The following FRAS1 variants were observed in gnomAD, a reference collection of about 807,000 sequenced individuals.
FRAS1 encodes Fraser extracellular matrix complex subunit 1.
In FRAS1, 290 loss-of-function variants were observed where a neutral mutation model predicts 435.2. The ratio of observed to expected loss-of-function variants is 0.67; its 90% CI spans 0.61 to 0.73. The LOEUF is 0.73. Ranked by LOEUF, FRAS1 falls within the 30% of genes least tolerant of loss-of-function variation. FRAS1 has a pLI of 0.00. For missense variants in FRAS1, 4,860 were observed against 5,001.5 expected (o/e 0.97, Z 0.85); for synonymous variants, 1,800 against 1,851.0 (o/e 0.97, Z 0.71).
intron 2 of FRAS1, among the ~76,000 whole-genome samples, chr4:78,135,809 C>T (rs866423397): frequency 1.1e-4 from 16 of 152,088 alleles, no homozygotes; most frequent in African/African-American, 2.2e-4. Flanking sequence ...TGTGGAAGTC[C>T]GGACTGAGGG....
chr4:78,252,425 G>A lies in FRAS1; in HGVS notation c.343G>A (p.Val115Met), dbSNP rs1279733984. The change falls in exon 5 of 74, where the codon GTG (valine) becomes ATG (methionine). Residue 115 changes from valine to methionine, a missense_variant. Val to Met is a conservative substitution (Grantham distance 21). Transcript: ENST00000512123. ...AGAATGGGCCTCTTCTCCATGTAGT[G>A]TGTGCTCTTGCAATCATGGGGAAGT... ...GTEWASSPCS[V>M]CSCNHGEVRC... The A allele has an allele frequency of 1.9e-6, 3 of 1,613,084 alleles. No individual in the cohort carries two copies. Among genetic ancestry groups the A allele is most frequent in the Non-Finnish European group, 2.5e-6 (3 of 1,179,746 alleles).
chr4:78,137,459 G>A (rs1217029255), intron 2 of FRAS1, among the ~76,000 whole-genome samples: 3 of 152,152 alleles, frequency 2.0e-5, no homozygotes, highest in Non-Finnish European at 4.4e-5. Flanking sequence ...TTCTGTTGAA[G>A]ATTATAGATT....
At chr4:78,291,450 C>G (rs763021573) in intron 14 of FRAS1, among the ~76,000 whole-genome samples, 1 of 152,182 alleles carries the variant, frequency 6.6e-6, no homozygotes, top group Non-Finnish European at 1.5e-5. Context: ...TCACCCACTG[C>G]TTGCCTCCTG....
chr4:78,319,382 G>A (rs61739669), intron 18 of FRAS1: 6,124 of 458,402 alleles, frequency 0.013, 264 homozygotes, highest in African/African-American at 0.096. Context: ...ACTTCTGTCA[G>A]AATTTAGAAG....
At position 78,094,553 on chromosome 4, in the gene FRAS1, A is replaced by G. The variant is rs143687884; in HGVS notation, c.108+28537A>G. On this transcript the variant is annotated intron_variant, in intron 2 of 73. Coordinates refer to ENST00000512123, the MANE Select transcript of FRAS1 (RefSeq NM_025074.7). Reference sequence around the variant, plus strand: ...ATCTATAATAGAATCTTAATAATATAGAGTGTTCTAATATATACTATGTTG... The same window carrying G: ...ATCTATAATAGAATCTTAATAATATGGAGTGTTCTAATATATACTATGTTG... 9.9e-5 allele frequency among the ~76,000 whole-genome samples: 15 copies of G among 152,254 alleles called. No individual in the cohort carries two copies. In the East Asian group the frequency reaches 2.9e-3, roughly 29 times the overall value.
intron 4 of FRAS1, among the ~76,000 whole-genome samples, chr4:78,250,657 C>A (rs536431690): frequency 8.0e-4 from 122 of 152,210 alleles, no homozygotes; most frequent in Non-Finnish European, 1.4e-3. Context: ...AGGGGAAATA[C>A]CACAGATACT....
At chr4:78,301,280 G>A (rs1487276641) in intron 14 of FRAS1, among the ~76,000 whole-genome samples, 1 of 152,092 alleles carries the variant, frequency 6.6e-6, no homozygotes. Context: ...AGCATAGGTA[G>A]GGGTTAGCCA....
intron 23 of FRAS1, among the ~76,000 whole-genome samples, chr4:78,371,861 G>A (rs1171043529): frequency 6.6e-6 from 1 of 152,158 alleles, no homozygotes; most frequent in Admixed American, 6.5e-5. Context: ...AACAAGTACA[G>A]CAGCAACATG....
At chr4:78,422,064 G>T (rs534894990) in intron 34 of FRAS1, 64 bp downstream of exon 34, 1 of 1,515,682 alleles carries the variant, frequency 6.6e-7, no homozygotes, top group Non-Finnish European at 8.9e-7. Flanking sequence ...TGACAGGCTC[G>T]CCCTAACTCT....
chr4:78,129,717 T>A (rs1369044854), intron 2 of FRAS1, among the ~76,000 whole-genome samples: 1 of 152,026 alleles, frequency 6.6e-6, no homozygotes, highest in Non-Finnish European at 1.5e-5. Context: ...ACCAATATGA[T>A]CCTTCTAAAA....
chr4:78,450,075 G>A, intron 44 of FRAS1, 76 bp from the exon 45 acceptor site: 2 of 1,159,522 alleles, frequency 1.7e-6, no homozygotes, highest in Non-Finnish European at 2.5e-6. Context: ...TTAGCCTCCA[G>A]TCTCCTAAAA....
chr4:78,129,752 T>C (rs1435449399), intron 2 of FRAS1, among the ~76,000 whole-genome samples: 2 of 152,164 alleles, frequency 1.3e-5, no homozygotes, highest in Non-Finnish European at 2.9e-5. Context: ...TTCTCCTGCC[T>C]AAAACTCTCA....
At chr4:78,490,881 A>T in intron 59 of FRAS1, among the ~76,000 whole-genome samples, 1 of 151,954 alleles carries the variant, frequency 6.6e-6, no homozygotes, top group African/African-American at 2.4e-5. Flanking sequence ...TTTTTTTTTT[A>T]AAGATTAACC....
rs560026397 is a variant in FRAS1, at chr4:78,541,498, C to T, written c.*374C>T. Reference sequence around the variant, plus strand: ...AGATCTCAGAGAGAAGAAGTAGGTACGGGCCTTTGGTTCCCTCCCCCAGCC... The same window carrying T: ...AGATCTCAGAGAGAAGAAGTAGGTATGGGCCTTTGGTTCCCTCCCCCAGCC... On this transcript the variant is annotated 3_prime_UTR_variant, in exon 74 of 74. Transcript: ENST00000512123. 4.4e-4 allele frequency: 70 copies of T among 160,842 alleles called. No homozygotes were observed. Among genetic ancestry groups the T allele is most frequent in the African/African-American group, 1.2e-3 (51 of 41,948 alleles). 10.0% of individuals were successfully genotyped at this position (160,842 alleles called of 1,614,324 possible).
intron 14 of FRAS1, among the ~76,000 whole-genome samples, chr4:78,300,284 A>C (rs73827962): frequency 0.014 from 2,065 of 152,294 alleles, 52 homozygotes; most frequent in African/African-American, 0.047. Context: ...TTATCCTTAA[A>C]CTTATCCTGC....
At chr4:78,276,299 CCTT>C (rs1279186093) in intron 9 of FRAS1, among the ~76,000 whole-genome samples, 11 of 152,204 alleles carry the variant, frequency 7.2e-5, no homozygotes, top group African/African-American at 2.7e-4. Context: ...TCATCTGAAG[CCTT>C]CTTCTCTCAG....
intron 61 of FRAS1, 111 bp from the exon 62 acceptor site, chr4:78,507,310 A>C: frequency 1.0e-6 from 1 of 973,892 alleles, no homozygotes; most frequent in Non-Finnish European, 1.5e-6. Flanking sequence ...GAACACCACT[A>C]AAAAGAAAGA....
chr4:78,327,793 C>T (rs391945), intron 18 of FRAS1, among the ~76,000 whole-genome samples: 4,902 of 152,230 alleles, frequency 0.032, 237 homozygotes, highest in African/African-American at 0.11. Flanking sequence ...TCAGCTTCCA[C>T]AGAATGATTA....
intron 2 of FRAS1, among the ~76,000 whole-genome samples, chr4:78,222,965 C>G (rs1305180301): frequency 6.6e-6 from 1 of 152,170 alleles, no homozygotes; most frequent in Non-Finnish European, 1.5e-5. Context: ...GGTTCTGCCT[C>G]TGGATTTAAC....
Sources: gnomAD v4.1 joint callset for allele counts (sites outside exome capture counted in the v4.1 genomes callset) on GRCh38, gnomAD v4.1.1 for gene constraint, MANE v1.5 for transcripts, NCBI Gene and HGNC (gene_info 2026-07-23, HGNC 2026-07-21) for gene names.